The following RIN3 variants were observed in gnomAD, a reference collection of about 807,000 sequenced individuals.
The protein encoded by RIN3 is RAB5 interacting protein 3.
A neutral mutation model predicts 76.3 loss-of-function variants in RIN3; 54 were observed. That is an observed-to-expected ratio of 0.71 (90% confidence interval 0.57 to 0.89). The LOEUF is 0.89. Ranked by LOEUF, RIN3 falls within the 40% of genes least tolerant of loss-of-function variation. The pLI is 0.00. For missense variants in RIN3, 1,256 were observed against 1,322.1 expected (o/e 0.95, Z 0.78); for synonymous variants, 576 against 564.0 (o/e 1.02, Z -0.30).
At chr14:92,597,426 A>G (rs1274511460) in intron 3 of RIN3, among the ~76,000 whole-genome samples, 1 of 152,176 alleles carries the variant, frequency 6.6e-6, no homozygotes, top group Non-Finnish European at 1.5e-5. Flanking sequence ...GGATCGGTCA[A>G]GTGTTTTCCA....
intron 1 of RIN3, among the ~76,000 whole-genome samples, chr14:92,519,772 C>T (rs74075420): frequency 0.073 from 11,187 of 152,248 alleles, 1,384 homozygotes; most frequent in African/African-American, 0.26. Flanking sequence ...TGTAGTACAG[C>T]GAAGCCAGTC....
At chr14:92,564,973 C>A (rs2140045531) in intron 2 of RIN3, among the ~76,000 whole-genome samples, 1 of 152,274 alleles carries the variant, frequency 6.6e-6, no homozygotes, top group South Asian at 2.1e-4. Context: ...AGATGGAGGG[C>A]CCTACCGTGG....
chr14:92,626,004 T>C (rs770895534), intron 4 of RIN3, among the ~76,000 whole-genome samples: 2 of 152,228 alleles, frequency 1.3e-5, no homozygotes, highest in African/African-American at 2.4e-5. Context: ...AAGAGGGTCT[T>C]CTGGATCCAA....
rs766342973 is a variant in RIN3, at chr14:92,653,040, T to TGG, written c.1992_1993dup (p.Val665GlyfsTer16). 6.2e-7 allele frequency: 1 copy of TGG among 1,608,534 alleles called. No homozygotes were observed. Among genetic ancestry groups the TGG allele is most frequent in the Non-Finnish European group, 8.5e-7 (1 of 1,179,756 alleles). ...CTGCAGAGCACCGAGCTCAAGGCCC[T>TGG]GGTGGACCCCGCCCTGCACTCCGAG... On this transcript the variant is annotated frameshift_variant, in exon 6 of 10. Transcript: ENST00000216487. LOFTEE classifies it high-confidence loss of function.
rs566766150 is a variant in RIN3, at chr14:92,523,917, G to T, written c.44+9941G>T. Among the ~76,000 whole-genome samples, 4 of 152,332 alleles carry T rather than the reference G, an allele frequency of 2.6e-5. No individual in the cohort carries two copies. The South Asian group carries it at 8.3e-4, about 32-fold the overall frequency. ...AGCACAAGAAAGGCCTGGAGACCGG[G>T]TGCAGTGGCTCATGCCTGTAATCCC... is the stretch of plus-strand genomic sequence containing the variant. On this transcript the variant is annotated intron_variant, in intron 1 of 9. Coordinates refer to ENST00000216487, the MANE Select transcript of RIN3 (RefSeq NM_024832.5).
At chr14:92,647,944 C>CG (rs369745998) in intron 5 of RIN3, among the ~76,000 whole-genome samples, 78 of 152,264 alleles carry the variant, frequency 5.1e-4, no homozygotes, top group African/African-American at 1.8e-3. Flanking sequence ...GGGGAACTCT[C>CG]GCAGCAGAGC....
chr14:92,590,409 A>C (rs941882418), intron 3 of RIN3, among the ~76,000 whole-genome samples: 1 of 152,106 alleles, frequency 6.6e-6, no homozygotes, highest in Non-Finnish European at 1.5e-5. Context: ...CTATCTTCCC[A>C]GTAATGAGTT....
intron 1 of RIN3, among the ~76,000 whole-genome samples, chr14:92,525,269 C>T (rs1401048143): frequency 2.0e-5 from 3 of 152,230 alleles, no homozygotes; most frequent in Non-Finnish European, 4.4e-5. Context: ...GCGCTCGCCC[C>T]TGATGCCTGT....
intron 1 of RIN3, among the ~76,000 whole-genome samples, chr14:92,530,576 G>A (rs1021299644): frequency 4.6e-5 from 7 of 151,858 alleles, no homozygotes; most frequent in African/African-American, 9.7e-5. Context: ...GTTTACAGGC[G>A]AGGAAACTGA....
At chr14:92,661,461 C>T (rs559637340) in intron 7 of RIN3, among the ~76,000 whole-genome samples, 3 of 152,140 alleles carry the variant, frequency 2.0e-5, no homozygotes, top group Admixed American at 6.5e-5. Context: ...TGCGGTGGCT[C>T]ATGCCTGCAA....
rs774034330 is a variant in RIN3 at position 92,641,260 on chromosome 14, C to T, written c.463C>T (p.Arg155Trp). 51 of 1,613,864 alleles carry T rather than the reference C, an allele frequency of 3.2e-5. No homozygotes were observed. The highest frequency in any genetic ancestry group is 1.6e-4 in the Middle Eastern group (1 of 6,084). ...VSRDLLPFTL[R>W]LPQAILEASS... ...CAGAGACTTACTGCCCTTCACACTG[C>T]GGCTACCCCAGGCCATCCTTGAGGC... is the stretch of plus-strand genomic sequence containing the variant. The change falls in exon 5 of 10, where the codon CGG becomes TGG. Residue 155 changes from arginine (R) to tryptophan (W), a missense_variant. Physicochemically the swap from Arg to Trp is moderately radical, Grantham distance 101. Coordinates refer to ENST00000216487, the MANE Select transcript of RIN3 (RefSeq NM_024832.5).
chr14:92,673,555 G>A (rs1399886832), intron 7 of RIN3, among the ~76,000 whole-genome samples: 1 of 151,518 alleles, frequency 6.6e-6, no homozygotes, highest in Non-Finnish European at 1.5e-5. Context: ...GCCCAGGCTG[G>A]AGTGCAGTGG....
intron 1 of RIN3, among the ~76,000 whole-genome samples, chr14:92,546,124 C>T (rs1566835931): frequency 6.6e-6 from 1 of 152,038 alleles, no homozygotes; most frequent in Admixed American, 6.6e-5. Flanking sequence ...AGGGTTTCAC[C>T]GTGTTGGCCA....
rs1416018741 is a variant in RIN3 at position 92,623,764 on chromosome 14, A to G, written c.440+8285A>G. Among the ~76,000 whole-genome samples the G allele has an allele frequency of 6.6e-6, 1 of 152,212 alleles. No homozygotes were observed. The highest frequency in any genetic ancestry group is 2.4e-5 in the African/African-American group (1 of 41,446). ...CTCGGGCATGAACAAGTGCAGACTGATTGGTAAGCTCTTGGAAAGACTTAA... is the reference window on the plus strand; with the variant it reads ...CTCGGGCATGAACAAGTGCAGACTGGTTGGTAAGCTCTTGGAAAGACTTAA... On this transcript the variant is annotated intron_variant, in intron 4 of 9. Coordinates refer to ENST00000216487, the MANE Select transcript of RIN3 (RefSeq NM_024832.5). This position sits in a 1 kb window ranked among gnomAD's most constrained non-coding sequence, Gnocchi z 4.9.
At chr14:92,567,294 A>C (rs1897939153) in intron 2 of RIN3, among the ~76,000 whole-genome samples, 1 of 152,242 alleles carries the variant, frequency 6.6e-6, no homozygotes, top group Non-Finnish European at 1.5e-5. Flanking sequence ...ACAAACCAAC[A>C]TTCAGTGGCT....
chr14:92,561,161 A>ATATTTT (rs1184275760), intron 2 of RIN3, among the ~76,000 whole-genome samples: 3 of 139,646 alleles, frequency 2.1e-5, no homozygotes, highest in Non-Finnish European at 4.6e-5. Flanking sequence ...ATATATATTT[A>ATATTTT]TATATATATA....
chr14:92,616,152 GA>G, intron 4 of RIN3: 1 of 152,352 alleles, frequency 6.6e-6, no homozygotes, highest in Non-Finnish European at 1.5e-5. Context: ...AGATGGGCAG[GA>G]AAAATGAGGC....
At chr14:92,526,171 A>G (rs569997888) in intron 1 of RIN3, among the ~76,000 whole-genome samples, 1 of 152,168 alleles carries the variant, frequency 6.6e-6, no homozygotes, top group Non-Finnish European at 1.5e-5. Context: ...AAACTGAGCT[A>G]TTGCCCGGGC....
chr14:92,517,627 A>ATG (rs1270087544), intron 1 of RIN3, among the ~76,000 whole-genome samples: 1 of 152,176 alleles, frequency 6.6e-6, no homozygotes, highest in African/African-American at 2.4e-5. Context: ...CAACTCCAGA[A>ATG]TGTCCTGTTG....
Sources: gnomAD v4.1 joint callset for allele counts (sites outside exome capture counted in the v4.1 genomes callset) on GRCh38, gnomAD v4.1.1 for gene constraint, Gnocchi (gnomAD v3.1) non-coding constraint, MANE v1.5 for transcripts, NCBI Gene and HGNC (gene_info 2026-07-23, HGNC 2026-07-21) for gene names.